The following CUBN variants were observed in gnomAD, a reference collection of about 807,000 sequenced individuals.
The protein encoded by CUBN is 460 kDa receptor.
CUBN carries 282 observed loss-of-function variants against 405.3 expected under a neutral mutation model. The ratio of observed to expected loss-of-function variants is 0.70; its 90% CI spans 0.63 to 0.77. The LOEUF (loss-of-function observed/expected upper bound fraction) is 0.77, where lower values mean the gene tolerates loss of function less well. CUBN is among the 30% of genes least tolerant of loss of function. The probability of loss-of-function intolerance (pLI) is 0.00; values close to 1 mark genes in which losing one functional copy is unlikely to be tolerated. For synonymous variants in CUBN, 1,684 were observed against 1,617.0 expected, an observed-to-expected ratio of 1.04 and a Z score of -0.99; for missense variants, 4,514 against 4,475.2, an observed-to-expected ratio of 1.01 and a Z score of -0.25.
chr10:16,917,396 A>C (rs552269697), intron 45 of CUBN, among the ~76,000 whole-genome samples: 4 of 152,270 alleles, frequency 2.6e-5, no homozygotes, highest in Admixed American at 2.6e-4. Flanking sequence ...CCTATGATAA[A>C]GTTTGCTGTA....
chr10:16,926,963 T>TA (rs1356536673), intron 41 of CUBN, among the ~76,000 whole-genome samples: 2 of 151,966 alleles, frequency 1.3e-5, no homozygotes, highest in Non-Finnish European at 2.9e-5. Flanking sequence ...TGTAGTTTTT[T>TA]ATCCCTCATA....
intron 27 of CUBN, among the ~76,000 whole-genome samples, chr10:17,038,493 C>A (rs555920588): frequency 2.0e-5 from 3 of 152,292 alleles, no homozygotes; most frequent in African/African-American, 7.2e-5. Flanking sequence ...GGGATCTTTT[C>A]AAACCCATTC....
In CUBN at chr10:17,091,012, A is replaced by T. The variant is rs567443898; in HGVS notation, c.1766-2667T>A. On this transcript the variant is annotated intron_variant, in intron 14 of 66. Coordinates refer to ENST00000377833, the MANE Select transcript of CUBN (RefSeq NM_001081.4). ...AGCCATCCGTAGCACCCAGATTGTG[A>T]GATCTAAATACCATTTCCCACAGAA... 2.6e-5 allele frequency among the ~76,000 whole-genome samples: 4 copies of T among 152,288 alleles called. No homozygotes were observed. In the East Asian group the frequency reaches 7.7e-4, roughly 29 times the overall value.
At chr10:16,990,875 A>C (rs2131717385) in intron 28 of CUBN, among the ~76,000 whole-genome samples, 1 of 152,304 alleles carries the variant, frequency 6.6e-6, no homozygotes, top group Non-Finnish European at 1.5e-5. Context: ...AGTACAATGG[A>C]CCGTGTGAGC....
chr10:16,832,155 C>G (rs777406452), intron 64 of CUBN, among the ~76,000 whole-genome samples: 6 of 152,286 alleles, frequency 3.9e-5, no homozygotes, highest in Admixed American at 1.3e-4. Context: ...CCCAGCCTGG[C>G]TGCTACCCTG....
rs1259433921 is a variant in CUBN, at chr10:17,085,779, C to G, written c.1948-20G>C. The G allele has an allele frequency of 1.2e-6, 2 of 1,612,084 alleles. No individual in the cohort carries two copies. The highest frequency in any genetic ancestry group is 1.7e-6 in the Non-Finnish European group (2 of 1,178,624). On this transcript the variant is annotated intron_variant, in intron 15 of 66. Coordinates refer to ENST00000377833, the MANE Select transcript of CUBN (RefSeq NM_001081.4). ...TCGAATCTAAAACAAAAGGATGAAT[C>G]ATTAAGCTCAAAGTGGTCAGATTTT... is the stretch of plus-strand genomic sequence containing the variant.
At chr10:16,916,066 G>T in intron 45 of CUBN, 36 bp from the exon 46 acceptor site, 5 of 1,581,572 alleles carry the variant, frequency 3.2e-6, no homozygotes, top group Non-Finnish European at 4.3e-6. Context: ...AAATAAGAAA[G>T]CAAGCAAGCA....
intron 66 of CUBN, among the ~76,000 whole-genome samples, chr10:16,825,330 G>C (rs903045256): frequency 1.3e-5 from 2 of 152,044 alleles, no homozygotes; most frequent in Non-Finnish European, 2.9e-5. Flanking sequence ...TCTTTGGGGG[G>C]TAATGAAAGT....
chr10:16,911,214 A>C (rs1182685825), intron 48 of CUBN, among the ~76,000 whole-genome samples: 1 of 152,246 alleles, frequency 6.6e-6, no homozygotes, highest in Non-Finnish European at 1.5e-5. Flanking sequence ...GGACCCAATT[A>C]TTATTATTCC....
intron 28 of CUBN, among the ~76,000 whole-genome samples, chr10:16,991,464 CAG>C (rs1008546673): frequency 6.6e-6 from 1 of 152,106 alleles, no homozygotes; most frequent in African/African-American, 2.4e-5. Context: ...GGAATTCAGA[CAG>C]AGATTTCAGT....
At chr10:16,907,419 A>G (rs1432639604) in intron 49 of CUBN, 89 bp downstream of exon 49, 1 of 1,340,340 alleles carries the variant, frequency 7.5e-7, no homozygotes, top group East Asian at 2.3e-5. Flanking sequence ...TAAAGGGAAA[A>G]TGGATGGCTC....
chr10:16,973,626 C>T (rs1430188811), intron 31 of CUBN, among the ~76,000 whole-genome samples: 1 of 152,066 alleles, frequency 6.6e-6, no homozygotes, highest in Non-Finnish European at 1.5e-5. Flanking sequence ...TGGTTTTCAA[C>T]TTGCTCCCTC....
At chr10:17,054,970 C>A (rs1181097607) in intron 22 of CUBN, among the ~76,000 whole-genome samples, 1 of 151,904 alleles carries the variant, frequency 6.6e-6, no homozygotes, top group Non-Finnish European at 1.5e-5. Context: ...TATACCAAAC[C>A]AGACAAAGAA....
intron 60 of CUBN, among the ~76,000 whole-genome samples, chr10:16,850,214 C>A (rs115228551): frequency 6.6e-6 from 1 of 152,146 alleles, no homozygotes; most frequent in African/African-American, 2.4e-5. Flanking sequence ...CATTCATTAG[C>A]GCTTAAATGC....
intron 22 of CUBN, among the ~76,000 whole-genome samples, chr10:17,060,793 G>C (rs1835489377): frequency 6.6e-6 from 1 of 152,152 alleles, no homozygotes; most frequent in Non-Finnish European, 1.5e-5. Flanking sequence ...GCTCATGCCT[G>C]TAATAACAGC....
intron 56 of CUBN, among the ~76,000 whole-genome samples, chr10:16,885,683 TAG>T (rs957904224): frequency 1.3e-5 from 2 of 152,160 alleles, no homozygotes; most frequent in African/African-American, 4.8e-5. Flanking sequence ...CAGGTCATGA[TAG>T]AGTCTCTTAT....
intron 27 of CUBN, among the ~76,000 whole-genome samples, chr10:17,036,048 C>T (rs1027070578): frequency 1.3e-5 from 2 of 151,986 alleles, no homozygotes; most frequent in African/African-American, 2.4e-5. Context: ...AGCATTCCAG[C>T]GGAATCTATG....
chr10:16,960,536 C>G (rs116436716), intron 31 of CUBN, among the ~76,000 whole-genome samples: 6,083 of 152,108 alleles, frequency 0.04, 423 homozygotes, highest in African/African-American at 0.14. Flanking sequence ...AAAAGCTTAA[C>G]TTTATTATAT....
chr10:16,951,980 A>G (rs958635416), intron 33 of CUBN, among the ~76,000 whole-genome samples: 1 of 151,848 alleles, frequency 6.6e-6, no homozygotes. Context: ...GCCTGTTAAT[A>G]CAGCAAGGTT....
Sources: allele counts gnomAD v4.1 joint callset (sites outside exome capture counted in the v4.1 genomes callset), GRCh38; gene constraint gnomAD v4.1.1; transcripts MANE v1.5; gene names NCBI Gene and HGNC (gene_info 2026-07-23, HGNC 2026-07-21).